Variants in GALNT18 observed in about 807,000 individuals in gnomAD.
GALNT18 encodes polypeptide N-acetylgalactosaminyltransferase 18.
GALNT18 carries 44 observed loss-of-function variants against 69.5 expected under a neutral mutation model. That is an observed-to-expected ratio of 0.63 (90% CI 0.50 to 0.81). The LOEUF (loss-of-function observed/expected upper bound fraction) is 0.81. GALNT18 is among the 40% of genes least tolerant of loss of function. The probability of loss-of-function intolerance (pLI) is 0.00; values close to 1 mark genes in which losing one functional copy is unlikely to be tolerated. For synonymous variants in GALNT18, 364 were observed against 318.2 expected (o/e 1.14, Z -1.53); for missense variants, 715 against 810.0 (o/e 0.88, Z 1.42).
intron 3 of GALNT18, among the ~76,000 whole-genome samples, chr11:11,399,353 C>T (rs1688833218): frequency 6.6e-6 from 1 of 152,046 alleles, no homozygotes; most frequent in African/African-American, 2.4e-5. Flanking sequence ...AAAGTAAGGC[C>T]CTGAAAGCCA....
At chr11:11,569,685 G>A (rs1285658945) in intron 1 of GALNT18, among the ~76,000 whole-genome samples, 2 of 152,180 alleles carry the variant, frequency 1.3e-5, no homozygotes, top group Admixed American at 1.3e-4. Flanking sequence ...AATACCCAAT[G>A]TGACAGGAAT....
Position 11,271,274 on chromosome 11 carries a change from T to C in GALNT18, c.1694A>G (p.Asn565Ser), listed in dbSNP as rs201554794. The part of the protein sequence containing the change: ...WQFSQGGPIQ[N>S]RKSKRCLELQ... ...CTCCAGACAGCGCTTAGACTTGCGG[T>C]TCTGGATGGGTCCTCCCTAGGGGCC... The change falls in exon 11 of 11, where the codon AAC (asparagine) becomes AGC (serine). Residue 565 changes from asparagine (N) to serine (S), a missense_variant. By Grantham distance (46) the Asn-to-Ser change is conservative. Transcript: ENST00000227756. 1.2e-6 allele frequency: 2 copies of C among 1,613,960 alleles called. No homozygotes were observed. Among genetic ancestry groups the C allele is most frequent in the Admixed American group, 3.3e-5 (2 of 60,014 alleles).
At chr11:11,478,419 A>T (rs1263980433) in intron 1 of GALNT18, among the ~76,000 whole-genome samples, 3 of 152,214 alleles carry the variant, frequency 2.0e-5, no homozygotes, top group African/African-American at 7.2e-5. Flanking sequence ...AACCAAGAAA[A>T]AGGAAGATAA....
At chr11:11,514,351 C>T (rs959282983) in intron 1 of GALNT18, among the ~76,000 whole-genome samples, 4 of 152,218 alleles carry the variant, frequency 2.6e-5, no homozygotes, top group African/African-American at 9.6e-5. Flanking sequence ...AGCAGAAATG[C>T]TTTCCTTTAC....
In GALNT18 at chr11:11,463,940, C is replaced by T. The variant is rs1484543587; in HGVS notation, c.236-15004G>A. Among the ~76,000 whole-genome samples, 1 of 152,174 alleles carries T rather than the reference C, an allele frequency of 6.6e-6. No individual in the cohort carries two copies. The highest frequency in any genetic ancestry group is 1.5e-5 in the Non-Finnish European group (1 of 68,036). On this transcript the variant is annotated intron_variant, in intron 1 of 10. Coordinates refer to ENST00000227756, the MANE Select transcript of GALNT18 (RefSeq NM_198516.3). This position sits in a 1 kb window ranked among gnomAD's most constrained non-coding sequence, Gnocchi z 4.2. ...GAAAGGGGGAAAAATTAGTCCTTTC[C>T]ATCTGGCAAATTCTTAATTTACCAA...
chr11:11,593,901 T>C (rs968795648), intron 1 of GALNT18, among the ~76,000 whole-genome samples: 1 of 152,258 alleles, frequency 6.6e-6, no homozygotes, highest in Non-Finnish European at 1.5e-5. Flanking sequence ...TTCCCCTGCC[T>C]TGCATTTGGC....
chr11:11,487,644 GT>G (rs1856671844), intron 1 of GALNT18, among the ~76,000 whole-genome samples: 1 of 152,126 alleles, frequency 6.6e-6, no homozygotes, highest in South Asian at 2.1e-4. Context: ...GAGCTTGAAG[GT>G]TTCCATACGT....
chr11:11,531,869 G>A (rs1857656773), intron 1 of GALNT18, among the ~76,000 whole-genome samples: 2 of 152,102 alleles, frequency 1.3e-5, no homozygotes, highest in Admixed American at 1.3e-4. Context: ...TTCTGCTTCG[G>A]GCCAGGCCCC....
rs73417670 is a variant in GALNT18, at chr11:11,309,540, A to G, written c.1513-16347T>C. On this transcript the variant is annotated intron_variant, in intron 9 of 10. Coordinates refer to ENST00000227756, the MANE Select transcript of GALNT18 (RefSeq NM_198516.3). This position sits in a 1 kb window ranked among gnomAD's most constrained non-coding sequence, Gnocchi z 4.6. The stretch of plus-strand genomic sequence containing the variant: ...AAATTCCTTACTTTTTCTGCCTTTT[A>G]CACCCTGTAAACCCCACCTCTATAG... Among the ~76,000 whole-genome samples, 1 of 151,994 alleles carries G rather than the reference A, an allele frequency of 6.6e-6. No individual in the cohort carries two copies. The highest frequency in any genetic ancestry group is 1.9e-4 in the East Asian group (1 of 5,184).
Position 11,555,950 on chromosome 11 carries a change from T to C in GALNT18, c.235+65409A>G, listed in dbSNP as rs1858323218. On this transcript the variant is annotated intron_variant, in intron 1 of 10. Transcript: ENST00000227756. The surrounding 1 kb of genome is among the most constrained non-coding windows in gnomAD (Gnocchi z 4.7). Reference sequence around the variant, plus strand: ...AACGTTGATCTGGTTTGCTTTCCCTTATTTCCTCTGAGTCCTCTAACCGAG... The same window carrying C: ...AACGTTGATCTGGTTTGCTTTCCCTCATTTCCTCTGAGTCCTCTAACCGAG... Among the ~76,000 whole-genome samples the C allele has an allele frequency of 6.6e-6, 1 of 152,226 alleles. No homozygotes were observed. The highest frequency in any genetic ancestry group is 2.1e-4 in the South Asian group (1 of 4,824).
chr11:11,334,702 T>C (rs905564868), intron 7 of GALNT18, among the ~76,000 whole-genome samples: 1 of 152,212 alleles, frequency 6.6e-6, no homozygotes, highest in Non-Finnish European at 1.5e-5. Flanking sequence ...TACTTCTTAA[T>C]GACCTCATCC....
Position 11,582,402 on chromosome 11 carries a change from C to T in GALNT18, c.235+38957G>A, listed in dbSNP as rs1303500850. Among the ~76,000 whole-genome samples, 3 of 152,248 alleles carry T rather than the reference C, an allele frequency of 2.0e-5. No homozygotes were observed. Among genetic ancestry groups the T allele is most frequent in the African/African-American group, 7.2e-5 (3 of 41,466 alleles). ...GTCCGTTGCCCCGTGGCTTGCAGTG[C>T]TATCCAGTGGGGGATTCTGTGTCCC... is the stretch of plus-strand genomic sequence containing the variant. On this transcript the variant is annotated intron_variant, in intron 1 of 10. Coordinates refer to ENST00000227756, the MANE Select transcript of GALNT18 (RefSeq NM_198516.3). This position sits in a 1 kb window ranked among gnomAD's most constrained non-coding sequence, Gnocchi z 5.0.
At chr11:11,550,034 A>G (rs1017994888) in intron 1 of GALNT18, among the ~76,000 whole-genome samples, 1 of 152,248 alleles carries the variant, frequency 6.6e-6, no homozygotes, top group Non-Finnish European at 1.5e-5. Context: ...TTGAAAAGGC[A>G]GCCTGTGCCT....
chr11:11,275,559 G>A (rs1230416626), intron 10 of GALNT18, among the ~76,000 whole-genome samples: 1 of 152,148 alleles, frequency 6.6e-6, no homozygotes, highest in East Asian at 1.9e-4. Context: ...TGTCAATTTT[G>A]GCTTTTGCTG....
intron 1 of GALNT18, among the ~76,000 whole-genome samples, chr11:11,557,031 C>G (rs1858348360): frequency 6.6e-6 from 1 of 152,162 alleles, no homozygotes; most frequent in African/African-American, 2.4e-5. Flanking sequence ...CATGCCAGGC[C>G]TTGGGTCTTT....
At chr11:11,303,930 G>A (rs1343892823) in intron 9 of GALNT18, among the ~76,000 whole-genome samples, 2 of 152,196 alleles carry the variant, frequency 1.3e-5, no homozygotes, top group Admixed American at 6.5e-5. Flanking sequence ...CACACCCCTT[G>A]GAGGGGCTGC....
chr11:11,334,161 A>G (rs904349759), intron 7 of GALNT18, among the ~76,000 whole-genome samples: 4 of 152,224 alleles, frequency 2.6e-5, no homozygotes, highest in Non-Finnish European at 2.9e-5. Context: ...TGTCTAAAAT[A>G]TCTGAGAAAG....
intron 6 of GALNT18, chr11:11,352,769 G>C (rs1850441951): frequency 6.2e-7 from 1 of 1,614,142 alleles, no homozygotes; most frequent in Non-Finnish European, 8.5e-7. Context: ...AGTCTGTGTT[G>C]TTTACGTGTT....
chr11:11,440,481 TC>T, intron 2 of GALNT18, among the ~76,000 whole-genome samples: 1 of 152,278 alleles, frequency 6.6e-6, no homozygotes, highest in Non-Finnish European at 1.5e-5. Context: ...TCCTGATAGA[TC>T]CGCAGGGCAA....
Sources: gnomAD v4.1 joint callset for allele counts (sites outside exome capture counted in the v4.1 genomes callset) on GRCh38, gnomAD v4.1.1 for gene constraint, Gnocchi (gnomAD v3.1) non-coding constraint, MANE v1.5 for transcripts, NCBI Gene and HGNC (gene_info 2026-07-23, HGNC 2026-07-21) for gene names.